PIM2: variants seen among roughly 807,000 people sequenced by gnomAD.
PIM2 encodes serine/threonine-protein kinase pim-2.
Under a neutral mutation model 18.0 loss-of-function variants are expected in PIM2, and 3 were observed. The observed-to-expected ratio is 0.17, with a 90% CI of 0.08 to 0.43. The LOEUF is 0.43. Ranked by LOEUF, PIM2 falls within the 20% of genes least tolerant of loss-of-function variation. The probability of loss-of-function intolerance (pLI) is 0.99; values close to 1 mark genes in which losing one functional copy is unlikely to be tolerated. For synonymous variants in PIM2, 117 were observed against 105.3 expected, an observed-to-expected ratio of 1.11 and a Z score of -0.68; for missense variants, 181 against 260.8, an observed-to-expected ratio of 0.69 and a Z score of 2.11.
chrX:48,915,363 G>A lies in PIM2; in HGVS notation c.252C>T (p.Val84=), dbSNP rs1557045135. The change falls in exon 4 of 6, where the codon GTC becomes GTT. Residue 84 remains valine (V), a synonymous_variant. Transcript: ENST00000376509. The part of the protein sequence containing the change: ...LSDSVTCPLE[V]ALLWKVGAGG... ...CTGCACCCACTTTCCATAGCAGTGC[G>A]ACTTCGAGTGGGCATGTGACTGAGT... The A allele has an allele frequency of 5.8e-6, 7 of 1,205,869 alleles. No homozygotes were observed. Among genetic ancestry groups the A allele is most frequent in the East Asian group, 3.0e-5 (1 of 33,678 alleles).
rs1557045644 is a variant in PIM2 at position 48,918,964 on chromosome X, G to A, written c.-130C>T. 3 of 529,179 alleles carry A rather than the reference G, an allele frequency of 5.7e-6. No homozygotes were observed. The highest frequency in any genetic ancestry group is 4.9e-5 in the African/African-American group (2 of 40,577). The allele number at this position is 529,179 out of a possible 1,213,427, so 43.6% of individuals were successfully genotyped here. ...TGGAAAGCAGAGAAACTGGTGGCCC[G>A]GAAGCGCCCGCAGACGGCGCAGCGT... On this transcript the variant is annotated 5_prime_UTR_variant, in exon 1 of 6. Coordinates refer to ENST00000376509, the MANE Select transcript of PIM2 (RefSeq NM_006875.4).
intron 3 of PIM2, among the ~76,000 whole-genome samples, chrX:48,916,763 G>T (rs1557045274): frequency 9.2e-6 from 1 of 108,357 alleles, no homozygotes; most frequent in African/African-American, 3.4e-5. Flanking sequence ...CAGGAGAATC[G>T]CTTGAACCCA....
At chrX:48,914,634 C>T in intron 4 of PIM2, 63 bp from the exon 5 acceptor site, 1 of 1,013,088 alleles carries the variant, frequency 9.9e-7, no homozygotes, top group Non-Finnish European at 1.3e-6. Flanking sequence ...ACCCCAAACT[C>T]TCCAGGAAGG....
chrX:48,914,369 C>G lies in PIM2; in HGVS notation c.772+26G>C, dbSNP rs370615331. ...TGGTCCCTGAGAAGGATGGAGTCTT[C>G]TGGGCTGGGGTCAGTGAGGCCTCAC... On this transcript the variant is annotated intron_variant, in intron 5 of 5. Coordinates refer to ENST00000376509, the MANE Select transcript of PIM2 (RefSeq NM_006875.4). 7.1e-5 allele frequency: 86 copies of G among 1,208,226 alleles called. No homozygotes were observed. The Middle Eastern group carries it at 5.7e-3, about 81-fold the overall frequency.
chrX:48,915,369 G>A lies in PIM2; in HGVS notation c.246C>T (p.Leu82=), dbSNP rs370881806. 3.2e-5 allele frequency: 39 copies of A among 1,204,283 alleles called. No individual in the cohort carries two copies. In the African/African-American group the frequency reaches 4.0e-4, roughly 12 times the overall value. The stretch of plus-strand genomic sequence containing the variant: ...CCACTTTCCATAGCAGTGCGACTTC[G>A]AGTGGGCATGTGACTGAGTCTGACT... The part of the protein sequence containing the change: ...SPLSDSVTCP[L]EVALLWKVGA... Residue 82 remains leucine (L), a synonymous_variant, in exon 4 of 6, where the codon CTC becomes CTT. Transcript: ENST00000376509.
intron 3 of PIM2, among the ~76,000 whole-genome samples, chrX:48,917,465 C>G (rs1050572307): frequency 1.5e-4 from 17 of 113,388 alleles, no homozygotes; most frequent in Non-Finnish European, 2.1e-4. Context: ...AGCGTTATAA[C>G]GGCAAGAGAG....
At chrX:48,918,235 G>A (rs970955526) in intron 2 of PIM2, among the ~76,000 whole-genome samples, 5 of 104,107 alleles carry the variant, frequency 4.8e-5, no homozygotes, top group African/African-American at 7.2e-5. Context: ...CTAGGTCCCT[G>A]CTTTCCCACA....
intron 2 of PIM2, 147 bp downstream of exon 2, chrX:48,918,389 T>A: frequency 3.0e-6 from 1 of 335,952 alleles, no homozygotes; most frequent in Non-Finnish European, 5.1e-6. Context: ...GGCTCACTCC[T>A]CGGACACGGA....
At chrX:48,914,859 T>G (rs782038196) in intron 4 of PIM2, 161 bp downstream of exon 4, 1 of 525,056 alleles carries the variant, frequency 1.9e-6, no homozygotes, top group Non-Finnish European at 3.1e-6. Context: ...AAGATGGACT[T>G]TATCAGAGGG....
rs1326738269 is a variant in PIM2 at position 48,917,903 on chromosome X, T to C, written c.172-72A>G. On this transcript the variant is annotated intron_variant, in intron 2 of 5. Coordinates refer to ENST00000376509, the MANE Select transcript of PIM2 (RefSeq NM_006875.4). The stretch of plus-strand genomic sequence containing the variant: ...CCCCTCCCAGTCTAGACCTTCTGCC[T>C]ACCTCCAGTATTCCTCCATCTACCA... 3.8e-6 allele frequency: 3 copies of C among 798,256 alleles called. No individual in the cohort carries two copies. In the African/African-American group the frequency reaches 6.2e-5, roughly 17 times the overall value. 65.8% of individuals were successfully genotyped at this position (798,256 alleles called of 1,213,427 possible).
At position 48,914,218 on chromosome X, in the gene PIM2, G is replaced by A. The variant is rs145029490; in HGVS notation, c.849C>T (p.Asp283=). 11 of 1,196,127 alleles carry A rather than the reference G, an allele frequency of 9.2e-6. No individual in the cohort carries two copies. The highest frequency in any genetic ancestry group is 1.1e-5 in the Non-Finnish European group (10 of 888,337). The change falls in exon 6 of 6, where the codon GAC becomes GAT. Residue 283 remains aspartate, a synonymous_variant. Coordinates refer to ENST00000376509, the MANE Select transcript of PIM2 (RefSeq NM_006875.4). ...SRPSLEEILL[D]PWMQTPAEDV... is the part of the protein sequence containing the mutation. ...CCTCGGCTGGTGTTTGCATCCAGGG[G>A]TCCAGCAGGATCTCTTCCAGTGAGG... is the stretch of plus-strand genomic sequence containing the variant.
intron 3 of PIM2, among the ~76,000 whole-genome samples, chrX:48,916,269 C>T (rs1365173178): frequency 8.9e-6 from 1 of 112,705 alleles, no homozygotes; most frequent in African/African-American, 3.2e-5. Context: ...TGCTGAGTGT[C>T]TAGAATTATG....
intron 2 of PIM2, among the ~76,000 whole-genome samples, chrX:48,918,298 G>GCCCCCCCCCCCCCCCCCCCCCCC (rs11361543): frequency 4.0e-5 from 1 of 25,006 alleles, no homozygotes; most frequent in African/African-American, 2.2e-4. Context: ...GAAGCCCCCT[G>GCCCCCCCCCCCCCCCCCCCCCCC]CCCCCCCCCC....
At chrX:48,917,706 TC>T in intron 3 of PIM2, 74 bp downstream of exon 3, 1 of 794,338 alleles carries the variant, frequency 1.3e-6, no homozygotes, top group Non-Finnish European at 1.9e-6. Flanking sequence ...GAGTCATACA[TC>T]CCCTGGAAAA....
rs782690651 is a variant in PIM2, at chrX:48,914,671, C to G, written c.596-100G>C. 3 of 735,786 alleles carry G rather than the reference C, an allele frequency of 4.1e-6. No individual in the cohort carries two copies. The African/African-American group carries it at 6.6e-5, about 16-fold the overall frequency. The allele number at this position is 735,786 out of a possible 1,213,427, so 60.6% of individuals were successfully genotyped here. On this transcript the variant is annotated intron_variant, in intron 4 of 5. Transcript: ENST00000376509. ...TGGCCTCACCACAATTAAGAGCACT[C>G]AAGATAAAAGCAGAGTCCCCTCACT...
rs1557045012 is a variant in PIM2, at chrX:48,914,528, C to T, written c.639G>A (p.Gln213=). 6.6e-6 allele frequency: 8 copies of T among 1,210,169 alleles called. No individual in the cohort carries two copies. Among genetic ancestry groups the T allele is most frequent in the African/African-American group, 1.7e-5 (1 of 57,369 alleles). The stretch of plus-strand genomic sequence containing the variant: ...AGACAGTGGCCGGGAGTGCATGGTA[C>T]TGGTGTCGAGAGATCCACTCTGGGG... ...YSPPEWISRH[Q]YHALPATVWS... The change falls in exon 5 of 6, where the codon CAG becomes CAA. Residue 213 remains glutamine (Q), a synonymous_variant. Transcript: ENST00000376509.
rs868968788 is a variant in PIM2 at position 48,914,407 on chromosome X, G to A, written c.760C>T (p.His254Tyr). Reference protein sequence around the residue: ...ILEAELHFPAHVSPDCCALIR... With the variant: ...ILEAELHFPAYVSPDCCALIR... Reference sequence around the variant, plus strand: ...AGTGAGGCCTCACCTGGGGAGACATGGGCTGGGAAGTGGAGCTCAGCTTCC... The same window carrying A: ...AGTGAGGCCTCACCTGGGGAGACATAGGCTGGGAAGTGGAGCTCAGCTTCC... The change falls in exon 5 of 6, where the codon CAT becomes TAT. Residue 254 changes from histidine to tyrosine, a missense_variant. Physicochemically the swap from His to Tyr is moderately conservative, Grantham distance 83. This residue lies in a region of PIM2 where 41 missense variants were observed against 52.0 expected (regional missense o/e 0.79). Coordinates refer to ENST00000376509, the MANE Select transcript of PIM2 (RefSeq NM_006875.4). 2.5e-6 allele frequency: 3 copies of A among 1,211,147 alleles called. No individual in the cohort carries two copies. Among genetic ancestry groups the A allele is most frequent in the South Asian group, 1.8e-5 (1 of 56,961 alleles).
intron 2 of PIM2, 34 bp from the exon 3 acceptor site, chrX:48,917,865 G>A (rs782792364): frequency 6.8e-5 from 76 of 1,109,865 alleles, no homozygotes; most frequent in Non-Finnish European, 8.7e-5. Context: ...GAGGCCAGCA[G>A]GTGATCCCCA....
intron 2 of PIM2, among the ~76,000 whole-genome samples, chrX:48,918,155 T>A (rs1037805372): frequency 2.5e-4 from 27 of 108,944 alleles, no homozygotes; most frequent in Non-Finnish European, 7.6e-5. Context: ...ACCCCAACTC[T>A]GTACCAGGGT....
Sources: gnomAD v4.1 joint callset for allele counts (sites outside exome capture counted in the v4.1 genomes callset) on GRCh38, gnomAD v4.1.1 for gene constraint, gnomAD v4.1.1 regional missense constraint, MANE v1.5 for transcripts, NCBI Gene and HGNC (gene_info 2026-07-23, HGNC 2026-07-21) for gene names.